GJC1: variants seen among roughly 807,000 people sequenced by gnomAD.
GJC1 encodes gap junction protein gamma 1.
GJC1 carries 5 observed loss-of-function variants against 29.3 expected under a neutral mutation model. The ratio of observed to expected loss-of-function variants is 0.17; its 90% CI spans 0.09 to 0.36. The LOEUF is 0.36. Among genes scored for constraint, GJC1 ranks in the 10% least tolerant of loss-of-function variants. GJC1 has a pLI of 1.00. For missense variants in GJC1, 310 were observed against 496.2 expected (o/e 0.62, Z 3.56); for synonymous variants, 177 against 183.3 (o/e 0.97, Z 0.28).
intron 1 of GJC1, among the ~76,000 whole-genome samples, chr17:44,826,603 C>A (rs2050179938): frequency 6.6e-6 from 1 of 151,694 alleles, no homozygotes; most frequent in South Asian, 2.1e-4. Context: ...ACTCTTTGGG[C>A]AATATATTCC....
intron 1 of GJC1, among the ~76,000 whole-genome samples, chr17:44,809,105 A>G (rs2049944919): frequency 6.6e-6 from 1 of 151,944 alleles, no homozygotes; most frequent in African/African-American, 2.4e-5. Context: ...CAAACAAACA[A>G]AAGAATCCAG....
Position 44,804,979 on chromosome 17 carries a change from G to A in GJC1, c.839C>T (p.Thr280Ile). The stretch of plus-strand genomic sequence containing the variant: ...AGGGGGAGCAGATGGTGTATTCCAA[G>A]TGAAAGGATAATTATAAGCACCCGG... ...EDPGAYNYPF[T>I]WNTPSAPPGY... is the part of the protein sequence containing the mutation. Residue 280 changes from threonine to isoleucine, a missense_variant, in exon 3 of 3, where the codon ACT becomes ATT. Around this residue, in one of 4 missense-constraint regions of GJC1, gnomAD observed 146 missense variants for 165.0 expected, o/e 0.88. Coordinates refer to ENST00000592524, the MANE Select transcript of GJC1 (RefSeq NM_005497.4). The A allele has an allele frequency of 6.2e-7, 1 of 1,614,050 alleles. No individual in the cohort carries two copies. Among genetic ancestry groups the A allele is most frequent in the South Asian group, 1.1e-5 (1 of 91,082 alleles).
At position 44,800,518 on chromosome 17, in the gene GJC1, C is replaced by T. The variant is rs1007226150; in HGVS notation, c.*4109G>A. 6.6e-6 allele frequency: 1 copy of T among 152,100 alleles called. No individual in the cohort carries two copies. The highest frequency in any genetic ancestry group is 2.4e-5 in the African/African-American group (1 of 41,420). 9.4% of individuals were successfully genotyped at this position (152,100 alleles called of 1,614,324 possible). A position where few individuals can be genotyped will look rare whatever the true frequency, so the allele number is the denominator to read the frequency against. On this transcript the variant is annotated 3_prime_UTR_variant, in exon 3 of 3. Transcript: ENST00000592524. ...TGCCTTTTACAGAAAGCTGGCTAGC[C>T]AAAAATGTATCATCAACTATCGATT...
chr17:44,828,694 A>G (rs2050200271), intron 1 of GJC1, among the ~76,000 whole-genome samples: 1 of 152,176 alleles, frequency 6.6e-6, no homozygotes, highest in Non-Finnish European at 1.5e-5. Flanking sequence ...ACTCTATGCT[A>G]AGTTTTTTTT....
rs148706970 is a variant in GJC1, at chr17:44,805,790, G to A, written c.28C>T (p.Leu10=). The A allele has an allele frequency of 1.9e-4, 312 of 1,611,838 alleles. 1 individual carries two copies. Among genetic ancestry groups the A allele is most frequent in the African/African-American group, 1.5e-3 (113 of 75,024 alleles). MSWSFLTRL[L]EEIHNHSTFV... ...GTGGAATGGTTGTGAATCTCCTCTA[G>A]CAGGCGAGTCAGGAAGCTCCAACTC... is the stretch of plus-strand genomic sequence containing the variant. The change falls in exon 3 of 3, where the codon CTA becomes TTA. Residue 10 remains leucine (L), a synonymous_variant. Transcript: ENST00000592524. This position sits in a 1 kb window ranked among gnomAD's most constrained non-coding sequence, Gnocchi z 5.1.
At chr17:44,822,644 A>T (rs2050125803) in intron 1 of GJC1, among the ~76,000 whole-genome samples, 1 of 3,452 alleles carries the variant, frequency 2.9e-4, no homozygotes, top group African/African-American at 1.9e-3. Context: ...ACTCCATCTC[A>T]AAAAAAAAAA....
chr17:44,815,336 C>T (rs770440592), intron 1 of GJC1, among the ~76,000 whole-genome samples: 5 of 152,058 alleles, frequency 3.3e-5, no homozygotes, highest in Non-Finnish European at 7.4e-5. Context: ...TTTATATGTA[C>T]TTTTATACTT....
intron 1 of GJC1, among the ~76,000 whole-genome samples, chr17:44,819,355 T>C (rs911963700): frequency 2.3e-4 from 35 of 152,162 alleles, no homozygotes; most frequent in African/African-American, 8.0e-4. Flanking sequence ...CGTTATACCA[T>C]GTGTCAGAAT....
At chr17:44,821,963 C>T (rs183134828) in intron 1 of GJC1, among the ~76,000 whole-genome samples, 13 of 151,444 alleles carry the variant, frequency 8.6e-5, no homozygotes, top group African/African-American at 2.9e-4. Context: ...TTTGGGAGGC[C>T]GAGGCAGGTG....
At position 44,802,149 on chromosome 17, in the gene GJC1, T is replaced by C. The variant is rs2049856206; in HGVS notation, c.*2478A>G. Reference sequence around the variant, plus strand: ...CGTTATCCAGACACAAAAGATAACATTCTCATCAAAACAGGCCAAGATGAA... The same window carrying C: ...CGTTATCCAGACACAAAAGATAACACTCTCATCAAAACAGGCCAAGATGAA... On this transcript the variant is annotated 3_prime_UTR_variant, in exon 3 of 3. Transcript: ENST00000592524. The C allele has an allele frequency of 6.6e-6, 1 of 152,180 alleles. No individual in the cohort carries two copies. The highest frequency in any genetic ancestry group is 2.4e-5 in the African/African-American group (1 of 41,452). 9.4% of individuals were successfully genotyped at this position (152,180 alleles called of 1,614,324 possible).
chr17:44,811,144 C>T (rs889918060), intron 1 of GJC1, among the ~76,000 whole-genome samples: 2 of 151,858 alleles, frequency 1.3e-5, no homozygotes, highest in Admixed American at 1.3e-4. Context: ...TGCAATGGCA[C>T]GATCTCAGCT....
intron 1 of GJC1, among the ~76,000 whole-genome samples, chr17:44,827,250 C>G (rs1279321464): frequency 6.6e-6 from 1 of 151,872 alleles, no homozygotes; most frequent in Non-Finnish European, 1.5e-5. Flanking sequence ...GCGGAGGTTG[C>G]AGTGAGACAA....
rs1381338489 is a variant in GJC1 at position 44,804,959 on chromosome 17, G to A, written c.859C>T (p.Pro287Ser). 5.0e-6 allele frequency: 8 copies of A among 1,613,906 alleles called. No homozygotes were observed. The East Asian group carries it at 6.7e-5, about 13-fold the overall frequency. Residue 287 changes from proline (P) to serine (S), a missense_variant, in exon 3 of 3, where the codon CCC becomes TCC. Physicochemically the swap from Pro to Ser is moderately conservative, Grantham distance 74. Around this residue, in one of 4 missense-constraint regions of GJC1, gnomAD observed 146 missense variants for 165.0 expected, o/e 0.88. Coordinates refer to ENST00000592524, the MANE Select transcript of GJC1 (RefSeq NM_005497.4). ...TTGACAGCAATGTTATAGCCAGGGG[G>A]AGCAGATGGTGTATTCCAAGTGAAA... ...YPFTWNTPSA[P>S]PGYNIAVKPD...
intron 1 of GJC1, among the ~76,000 whole-genome samples, chr17:44,824,881 T>C: frequency 6.7e-6 from 1 of 149,598 alleles, no homozygotes; most frequent in Non-Finnish European, 1.5e-5. Flanking sequence ...AACTATTTTT[T>C]TTTTTTAATC....
intron 1 of GJC1, among the ~76,000 whole-genome samples, chr17:44,826,185 G>A (rs2050174132): frequency 6.6e-6 from 1 of 152,138 alleles, no homozygotes; most frequent in Admixed American, 6.6e-5. Flanking sequence ...GCCTCCCAAA[G>A]TGCTGGGATT....
chr17:44,828,684 A>C (rs1475750878), intron 1 of GJC1, among the ~76,000 whole-genome samples: 4 of 152,092 alleles, frequency 2.6e-5, no homozygotes, highest in Non-Finnish European at 5.9e-5. Flanking sequence ...CAGTGATACA[A>C]CTCTATGCTA....
chr17:44,795,862 G>T (rs2049780058), downstream of GJC1, among the ~76,000 whole-genome samples: 1 of 152,250 alleles, frequency 6.6e-6, no homozygotes, highest in Non-Finnish European at 1.5e-5. Flanking sequence ...CGAGGTTCTT[G>T]CCTTAATGTA....
At chr17:44,819,128 T>C (rs1047827810) in intron 1 of GJC1, among the ~76,000 whole-genome samples, 4 of 152,064 alleles carry the variant, frequency 2.6e-5, no homozygotes, top group African/African-American at 7.2e-5. Flanking sequence ...TTATCAACCA[T>C]CACCACTACC....
At position 44,799,394 on chromosome 17, in the gene GJC1, G is replaced by A. The variant is rs2049814841; in HGVS notation, c.*5233C>T. ...CTAATTTTTGTATTTTTAGTAGAGAGGGGGTTTTACCATGTTGGCCAGGCT... is the reference window on the plus strand; with the variant it reads ...CTAATTTTTGTATTTTTAGTAGAGAAGGGGTTTTACCATGTTGGCCAGGCT... On this transcript the variant is annotated 3_prime_UTR_variant, in exon 3 of 3. Coordinates refer to ENST00000592524, the MANE Select transcript of GJC1 (RefSeq NM_005497.4). 1 of 150,976 alleles carries A rather than the reference G, an allele frequency of 6.6e-6. No homozygotes were observed. The highest frequency in any genetic ancestry group is 2.4e-5 in the African/African-American group (1 of 41,022). 9.4% of individuals were successfully genotyped at this position (150,976 alleles called of 1,614,324 possible). A position where few individuals can be genotyped will look rare whatever the true frequency, so the allele number is the denominator to read the frequency against.
Sources: gnomAD v4.1 joint callset for allele counts (sites outside exome capture counted in the v4.1 genomes callset) on GRCh38, gnomAD v4.1.1 for gene constraint, gnomAD v4.1.1 regional missense constraint, Gnocchi (gnomAD v3.1) non-coding constraint, MANE v1.5 for transcripts, NCBI Gene and HGNC (gene_info 2026-07-23, HGNC 2026-07-21) for gene names.